The following UMODL1 variants were observed in gnomAD, a reference collection of about 807,000 sequenced individuals.
UMODL1 encodes the protein uromodulin like 1.
UMODL1 carries 128 observed loss-of-function variants against 136.3 expected under a neutral mutation model. The observed-to-expected ratio is 0.94, with a 90% CI of 0.81 to 1.09. The LOEUF (loss-of-function observed/expected upper bound fraction) is 1.09, where lower values mean the gene tolerates loss of function less well. Ranked by LOEUF, UMODL1 falls within the 50% of genes least tolerant of loss-of-function variation. The probability of loss-of-function intolerance (pLI) is 0.00; values close to 1 mark genes in which losing one functional copy is unlikely to be tolerated. For missense variants in UMODL1, 1,766 were observed against 1,725.6 expected, an observed-to-expected ratio of 1.02 and a Z score of -0.41; for synonymous variants, 721 against 720.0, an observed-to-expected ratio of 1.00 and a Z score of -0.02.
intron 17 of UMODL1, among the ~76,000 whole-genome samples, chr21:42,125,653 G>A (rs946937690): frequency 3.3e-5 from 5 of 152,212 alleles, no homozygotes; most frequent in Non-Finnish European, 5.9e-5. Flanking sequence ...AAGGGGGATG[G>A]GCGGTGATCA....
intron 9 of UMODL1, among the ~76,000 whole-genome samples, chr21:42,106,396 C>T (rs1298258485): frequency 6.6e-6 from 1 of 152,242 alleles, no homozygotes; most frequent in Admixed American, 6.5e-5. Context: ...GCGCTGTGGT[C>T]CACCTAGAAA....
intron 21 of UMODL1, among the ~76,000 whole-genome samples, chr21:42,130,197 C>G (rs1321045288): frequency 6.6e-6 from 1 of 151,402 alleles, no homozygotes; most frequent in Non-Finnish European, 1.5e-5. Context: ...GATAAGAACT[C>G]AAGCTATAAT....
At chr21:42,137,366 G>A (rs772140112) in intron 21 of UMODL1, 73 bp from the exon 22 acceptor site, 99 of 1,566,682 alleles carry the variant, frequency 6.3e-5, no homozygotes, top group Admixed American at 2.0e-4. Flanking sequence ...CCCCGGATCC[G>A]GGTGGAGGGC....
intron 9 of UMODL1, chr21:42,108,604 C>T (rs2066758428): frequency 9.4e-5 from 32 of 341,222 alleles, no homozygotes; most frequent in South Asian, 5.6e-4. Flanking sequence ...GGTGTGGGTT[C>T]GTTCCCGAGC....
At chr21:42,109,494 A>G (rs2066784058) in intron 9 of UMODL1, 68 bp from the exon 10 acceptor site, 3 of 1,584,642 alleles carry the variant, frequency 1.9e-6, no homozygotes, top group Admixed American at 1.7e-5. Flanking sequence ...TCCTTCCAGC[A>G]TGGGTCTGTC....
In UMODL1 at chr21:42,111,685, C is replaced by T. The variant is rs1300708652; in HGVS notation, c.2079C>T (p.Leu693=). The change falls in exon 12 of 23, where the codon CTC becomes CTT. Residue 693 remains leucine, a synonymous_variant. Transcript: ENST00000408910. ...GSVDLPLTST[L]TALKTPACVP... is the part of the protein sequence containing the mutation. The stretch of plus-strand genomic sequence containing the variant: ...TAGACCTGCCATTGACCTCCACCCT[C>T]ACAGCTCTGAAGACCCCCGCCTGTG... The T allele has an allele frequency of 3.1e-6, 5 of 1,613,326 alleles. No homozygotes were observed. Among genetic ancestry groups the T allele is most frequent in the Non-Finnish European group, 3.4e-6 (4 of 1,179,548 alleles).
At chr21:42,115,521 T>C (rs1173088952) in intron 13 of UMODL1, among the ~76,000 whole-genome samples, 1 of 152,232 alleles carries the variant, frequency 6.6e-6, no homozygotes, top group Non-Finnish European at 1.5e-5. Flanking sequence ...TATTTAATGG[T>C]GCCTCCACAT....
At chr21:42,101,627 A>C (rs886644327) in intron 7 of UMODL1, 1 of 440,240 alleles carries the variant, frequency 2.3e-6, no homozygotes, top group African/African-American at 2.0e-5. Context: ...CCCATCTTGA[A>C]GCTTTTTTCC....
At chr21:42,126,808 A>G (rs2067061961) in intron 18 of UMODL1, among the ~76,000 whole-genome samples, 198 bp from the exon 19 acceptor site, 1 of 152,056 alleles carries the variant, frequency 6.6e-6, no homozygotes, top group Non-Finnish European at 1.5e-5. Flanking sequence ...CTCCACCTAT[A>G]CAACTGAGGG....
chr21:42,103,703 T>C (rs1199276634), intron 8 of UMODL1, 165 bp from the exon 9 acceptor site: 4 of 822,942 alleles, frequency 4.9e-6, no homozygotes, highest in Non-Finnish European at 8.3e-6. Context: ...TAAGGTGCTG[T>C]GAACGGACTT....
rs370737526 is a variant in UMODL1 at position 42,122,813 on chromosome 21, C to T, written c.2828-18C>T. ...AACACAGAGCCACTCTTTGCCTTTTCCTCCTTGTGCCTTGCAGGTGACTCT... is the reference window on the plus strand; with the variant it reads ...AACACAGAGCCACTCTTTGCCTTTTTCTCCTTGTGCCTTGCAGGTGACTCT... On this transcript the variant is annotated intron_variant, in intron 16 of 22. Transcript: ENST00000408910. The surrounding 1 kb of genome is among the most constrained non-coding windows in gnomAD (Gnocchi z 4.3). 6.5e-5 allele frequency: 102 copies of T among 1,566,580 alleles called. No individual in the cohort carries two copies. The highest frequency in any genetic ancestry group is 8.1e-5 in the Non-Finnish European group (94 of 1,154,920).
intron 8 of UMODL1, 181 bp from the exon 9 acceptor site, chr21:42,103,687 C>T: frequency 2.6e-6 from 2 of 766,804 alleles, no homozygotes; most frequent in Non-Finnish European, 4.6e-6. Flanking sequence ...CCAGGGAAAG[C>T]CCAGCTAAGG....
intron 21 of UMODL1, 57 bp downstream of exon 21, chr21:42,129,854 AC>A: frequency 7.7e-7 from 1 of 1,303,904 alleles, no homozygotes; most frequent in East Asian, 2.5e-5. Context: ...ATTCCTTTTC[AC>A]CAGCATGTAA....
intron 2 of UMODL1, among the ~76,000 whole-genome samples, 197 bp from the exon 3 acceptor site, chr21:42,083,887 G>A (rs1237577809): frequency 6.6e-6 from 1 of 152,246 alleles, no homozygotes; most frequent in Non-Finnish European, 1.5e-5. Flanking sequence ...AAGGACAGAT[G>A]GGCAGAGGAT....
At chr21:42,102,370 T>G in intron 8 of UMODL1, 92 bp downstream of exon 8, 1 of 973,618 alleles carries the variant, frequency 1.0e-6, no homozygotes, top group Non-Finnish European at 1.5e-6. Context: ...GCTCTTCCTC[T>G]GGGATTGTGG....
chr21:42,128,385 C>A lies in UMODL1; in HGVS notation c.3690+554C>A, dbSNP rs574968868. ...CACAGACAAGTACATGAGGTTCCCA[C>A]ATGTTGGTCGCCTGTTGTCTGAGGC... is the stretch of plus-strand genomic sequence containing the variant. On this transcript the variant is annotated intron_variant, in intron 20 of 22. Coordinates refer to ENST00000408910, the MANE Select transcript of UMODL1 (RefSeq NM_001004416.3). 2.7e-4 allele frequency among the ~76,000 whole-genome samples: 41 copies of A among 152,326 alleles called. 1 individual carries two copies. The highest frequency in any genetic ancestry group is 1.0e-3 in the South Asian group (5 of 4,826).
At chr21:42,098,419 GAGA>G (rs2066583400) in intron 6 of UMODL1, among the ~76,000 whole-genome samples, 1 of 150,548 alleles carries the variant, frequency 6.6e-6, no homozygotes, top group Non-Finnish European at 1.5e-5. Flanking sequence ...CCTAGAGAGA[GAGA>G]AGATTGATAC....
At chr21:42,090,936 A>G (rs768687677) in intron 6 of UMODL1, among the ~76,000 whole-genome samples, 4 of 152,206 alleles carry the variant, frequency 2.6e-5, no homozygotes, top group Non-Finnish European at 5.9e-5. Flanking sequence ...TGTAAAATTA[A>G]ATGAGTGCCG....
At chr21:42,105,980 C>T (rs1171765691) in intron 9 of UMODL1, among the ~76,000 whole-genome samples, 2 of 152,228 alleles carry the variant, frequency 1.3e-5, no homozygotes, top group African/African-American at 2.4e-5. Flanking sequence ...TCTGCAGGCT[C>T]TTGCCCGGCA....
Sources: gnomAD v4.1 joint callset for allele counts (sites outside exome capture counted in the v4.1 genomes callset) on GRCh38, gnomAD v4.1.1 for gene constraint, Gnocchi (gnomAD v3.1) non-coding constraint, MANE v1.5 for transcripts, NCBI Gene and HGNC (gene_info 2026-07-23, HGNC 2026-07-21) for gene names.